Variants in DIAPH2 observed in about 807,000 individuals in gnomAD.
DIAPH2 encodes diaphanous related formin 2.
A neutral mutation model predicts 92.7 loss-of-function variants in DIAPH2; 35 were observed. The ratio of observed to expected loss-of-function variants is 0.38; its 90% CI spans 0.29 to 0.50. The LOEUF is 0.50. Among genes scored for constraint, DIAPH2 ranks in the 20% least tolerant of loss-of-function variants. DIAPH2 has a pLI of 0.94. For missense variants in DIAPH2, 701 were observed against 819.5 expected (o/e 0.86, Z 1.77); for synonymous variants, 301 against 280.4 (o/e 1.07, Z -0.73).
At chrX:96,853,154 C>T (rs369777348) in intron 4 of DIAPH2, among the ~76,000 whole-genome samples, 1 of 111,263 alleles carries the variant, frequency 9.0e-6, no homozygotes, top group East Asian at 2.8e-4. Flanking sequence ...TAAATAATTT[C>T]ATTTTTCACA....
chrX:97,340,993 T>TC (rs2069109391), intron 23 of DIAPH2: 1 of 104,255 alleles, frequency 9.6e-6, no homozygotes, highest in Non-Finnish European at 2.0e-5. Context: ...TAAGTTTTTT[T>TC]TTTTTTTTTT....
rs757780382 is a variant in DIAPH2 at position 96,738,538 on chromosome X, T to A, written c.166-48T>A. 3 of 1,071,755 alleles carry A rather than the reference T, an allele frequency of 2.8e-6. No homozygotes were observed. The African/African-American group carries it at 5.6e-5, about 20-fold the overall frequency. The allele number at this position is 1,071,755 out of a possible 1,213,427, so 88.3% of individuals were successfully genotyped here. On this transcript the variant is annotated intron_variant, in intron 2 of 26. Transcript: ENST00000324765. ...TGTTTCAATTCTTCATGTTAGTAGT[T>A]CTTGATCTTTTTCTCAGGGCTTTTT...
intron 1 of DIAPH2, among the ~76,000 whole-genome samples, chrX:96,703,516 C>T (rs1412077022): frequency 9.0e-6 from 1 of 111,413 alleles, no homozygotes; most frequent in Non-Finnish European, 1.9e-5. Flanking sequence ...TTCTGTAGAT[C>T]TGTGCCTCTA....
chrX:96,933,079 C>T (rs2065630241), intron 10 of DIAPH2, among the ~76,000 whole-genome samples: 1 of 110,558 alleles, frequency 9.0e-6, no homozygotes, highest in Admixed American at 9.7e-5. Flanking sequence ...GGAATAGAAC[C>T]TACAAGGATT....
intron 1 of DIAPH2, among the ~76,000 whole-genome samples, chrX:96,692,836 C>G (rs890646282): frequency 1.8e-5 from 2 of 112,278 alleles, no homozygotes; most frequent in Non-Finnish European, 3.8e-5. Context: ...CACCCCACCA[C>G]AACAACTAAG....
intron 23 of DIAPH2, among the ~76,000 whole-genome samples, chrX:97,290,121 G>T (rs906344202): frequency 1.6e-4 from 17 of 106,963 alleles, no homozygotes; most frequent in Non-Finnish European, 2.7e-4. Flanking sequence ...ACATTCATGG[G>T]TTATCAAAAC....
At chrX:97,587,737 T>C (rs2071488520) in intron 26 of DIAPH2, among the ~76,000 whole-genome samples, 2 of 112,304 alleles carry the variant, frequency 1.8e-5, no homozygotes, top group African/African-American at 6.5e-5. Context: ...ATCGTGATGC[T>C]AAAATCTTTG....
At chrX:96,855,671 T>G (rs1330894772) in intron 4 of DIAPH2, among the ~76,000 whole-genome samples, 1 of 110,107 alleles carries the variant, frequency 9.1e-6, no homozygotes, top group African/African-American at 3.3e-5. Context: ...TAGAGGGACC[T>G]AGTTTGGGAG....
intron 10 of DIAPH2, among the ~76,000 whole-genome samples, chrX:96,933,765 G>A (rs1478870540): frequency 4.6e-5 from 4 of 87,611 alleles, no homozygotes; most frequent in African/African-American, 1.6e-4. Context: ...CATCATGCCC[G>A]GCTAATTTTT....
intron 4 of DIAPH2, among the ~76,000 whole-genome samples, chrX:96,795,689 T>C (rs186418376): frequency 3.9e-4 from 44 of 112,008 alleles, no homozygotes; most frequent in African/African-American, 1.4e-3. Flanking sequence ...AATCATAGAT[T>C]GTACTTCTTT....
At chrX:97,440,795 A>G (rs967619961) in intron 26 of DIAPH2, among the ~76,000 whole-genome samples, 9 of 109,893 alleles carry the variant, frequency 8.2e-5, no homozygotes, top group Non-Finnish European at 3.8e-5. Context: ...CAAATGACAT[A>G]GAGTGTGGAA....
At chrX:97,247,260 T>C (rs2068150265) in intron 22 of DIAPH2, among the ~76,000 whole-genome samples, 1 of 111,996 alleles carries the variant, frequency 8.9e-6, no homozygotes, top group African/African-American at 3.2e-5. Flanking sequence ...CCATAGATAT[T>C]GGTTTATAAA....
chrX:97,019,224 G>T (rs2066280877), intron 17 of DIAPH2, among the ~76,000 whole-genome samples: 1 of 111,564 alleles, frequency 9.0e-6, no homozygotes, highest in Non-Finnish European at 1.9e-5. Flanking sequence ...AACTCATTTG[G>T]ATAAATACTA....
At chrX:96,738,503 G>C (rs1022909494) in intron 2 of DIAPH2, 83 bp from the exon 3 acceptor site, 1 of 764,823 alleles carries the variant, frequency 1.3e-6, no homozygotes, top group Admixed American at 3.7e-5. Context: ...TATACTAAGT[G>C]CCGTTTTGAT....
intron 1 of DIAPH2, among the ~76,000 whole-genome samples, chrX:96,704,780 A>G (rs2063874360): frequency 9.0e-6 from 1 of 111,153 alleles, no homozygotes; most frequent in South Asian, 3.8e-4. Context: ...GGAATTTACA[A>G]TATTATAAGG....
chrX:96,977,519 A>G (rs2065969822), intron 17 of DIAPH2, among the ~76,000 whole-genome samples: 1 of 111,475 alleles, frequency 9.0e-6, no homozygotes, highest in Non-Finnish European at 1.9e-5. Flanking sequence ...TTATTTTAAT[A>G]TGACACTTTT....
At chrX:97,214,836 T>G (rs1602422775) in intron 22 of DIAPH2, among the ~76,000 whole-genome samples, 1 of 62,810 alleles carries the variant, frequency 1.6e-5, no homozygotes, top group Non-Finnish European at 2.9e-5. Flanking sequence ...CGTCTCAAAT[T>G]AAAAAAAAAA....
chrX:97,038,550 CTTGAGA>C (rs2066427196), intron 17 of DIAPH2, among the ~76,000 whole-genome samples: 2 of 46,308 alleles, frequency 4.3e-5, no homozygotes. Context: ...TTTTTTTTTT[CTTGAGA>C]CGGAGTCTCT....
At chrX:96,749,151 T>C (rs866926616) in intron 3 of DIAPH2, among the ~76,000 whole-genome samples, 1 of 87,366 alleles carries the variant, frequency 1.1e-5, no homozygotes, top group Non-Finnish European at 2.2e-5. Context: ...AAAAAATATA[T>C]ATATATATAT....
Sources: allele counts gnomAD v4.1 joint callset (sites outside exome capture counted in the v4.1 genomes callset), GRCh38; gene constraint gnomAD v4.1.1; transcripts MANE v1.5; gene names NCBI Gene and HGNC (gene_info 2026-07-23, HGNC 2026-07-21).